The following SAMMSON variants were observed in gnomAD, a reference collection of about 807,000 sequenced individuals.
SAMMSON encodes long intergenic non-protein coding RNA 1212.
chr3:70,098,986 C>T (rs1046337509), intron 4 of SAMMSON, among the ~76,000 whole-genome samples: 2 of 152,202 alleles, frequency 1.3e-5, no homozygotes, highest in East Asian at 3.9e-4. Flanking sequence ...CTTTCTGCAA[C>T]TAGTTTTTTC....
intron 3 of SAMMSON, among the ~76,000 whole-genome samples, chr3:70,036,461 A>G (rs886216134): frequency 1.3e-5 from 2 of 152,310 alleles, no homozygotes; most frequent in East Asian, 1.9e-4. Flanking sequence ...TAGCTCAATC[A>G]TAAGTATGTC....
chr3:70,013,885 G>A (rs2066969416), intron 3 of SAMMSON: 1 of 152,060 alleles, frequency 6.6e-6, no homozygotes, highest in South Asian at 2.1e-4. Flanking sequence ...CAGAGGTGTG[G>A]CTAGATCCAA....
intron 4 of SAMMSON, among the ~76,000 whole-genome samples, chr3:70,147,173 TA>T (rs1301999405): frequency 2.0e-5 from 3 of 151,958 alleles, no homozygotes; most frequent in African/African-American, 7.2e-5. Flanking sequence ...AAAAATGAAC[TA>T]AATAAATGGA....
chr3:70,418,406 G>A lies in SAMMSON; in HGVS notation n.234-44154G>A, dbSNP rs117589745. Among the ~76,000 whole-genome samples, 434 of 152,152 alleles carry A rather than the reference G, an allele frequency of 2.9e-3. 2 individuals are homozygous for A. Among genetic ancestry groups the A allele is most frequent in the African/African-American group, 9.3e-3 (386 of 41,530 alleles). On this transcript the variant is annotated intron_variant and non_coding_transcript_variant, in intron 2 of 3. Transcript: ENST00000641053. ...TGGTCAGGTACTTATGTATTATCTC[G>A]GAATGGGGTGGATGTCAGGGCATCT...
intron 6 of SAMMSON, among the ~76,000 whole-genome samples, chr3:70,289,831 C>G (rs1405100646): frequency 6.6e-6 from 1 of 152,018 alleles, no homozygotes; most frequent in Admixed American, 6.6e-5. Context: ...TGCTGATACC[C>G]TTTCTTCCAG....
rs1702992015 is a variant in SAMMSON at position 70,374,120 on chromosome 3, G to A, written n.914-15454G>A. ...ATAGAGACAGGGTTTCTCCATGTTGGTCAGGCTGGTCTCAAACTCCCGACC... is the reference window on the plus strand; with the variant it reads ...ATAGAGACAGGGTTTCTCCATGTTGATCAGGCTGGTCTCAAACTCCCGACC... On this transcript the variant is annotated intron_variant and non_coding_transcript_variant, in intron 9 of 9. Coordinates refer to ENST00000642114, the Ensembl canonical transcript of SAMMSON. 2.0e-5 allele frequency among the ~76,000 whole-genome samples: 3 copies of A among 152,242 alleles called. No individual in the cohort carries two copies. The South Asian group carries it at 6.2e-4, about 32-fold the overall frequency.
At chr3:70,144,516 CT>C (rs1392162812) in intron 4 of SAMMSON, among the ~76,000 whole-genome samples, 1 of 152,154 alleles carries the variant, frequency 6.6e-6, no homozygotes, top group Non-Finnish European at 1.5e-5. Flanking sequence ...ATATCTCCCC[CT>C]GTGGAATCCT....
chr3:70,258,464 C>A (rs889287256), intron 6 of SAMMSON, among the ~76,000 whole-genome samples: 2 of 152,004 alleles, frequency 1.3e-5, no homozygotes, highest in Non-Finnish European at 2.9e-5. Context: ...ATTGTTACAA[C>A]CTCTGGGTTC....
intron 2 of SAMMSON, among the ~76,000 whole-genome samples, chr3:70,416,735 A>T (rs1316351604): frequency 1.3e-5 from 2 of 152,152 alleles, no homozygotes; most frequent in East Asian, 3.9e-4. Flanking sequence ...AAAGGGATCT[A>T]TATCACCAGC....
intron 4 of SAMMSON, among the ~76,000 whole-genome samples, chr3:70,115,934 T>C (rs550684935): frequency 6.6e-6 from 1 of 152,276 alleles, no homozygotes; most frequent in African/African-American, 2.4e-5. Context: ...TGGTGATATT[T>C]ATTGGATGAG....
At chr3:70,010,647 T>G (rs1306453566) in intron 1 of SAMMSON, among the ~76,000 whole-genome samples, 2 of 151,932 alleles carry the variant, frequency 1.3e-5, no homozygotes, top group Non-Finnish European at 2.9e-5. Context: ...GGCTCCAGAG[T>G]GGCGTATGTG....
At chr3:70,028,728 C>T (rs1047666742) in intron 3 of SAMMSON, among the ~76,000 whole-genome samples, 7 of 152,258 alleles carry the variant, frequency 4.6e-5, no homozygotes, top group Non-Finnish European at 1.0e-4. Context: ...GGGATGAAGC[C>T]TCTCCAAATA....
At chr3:70,140,750 A>T (rs900229916) in intron 4 of SAMMSON, among the ~76,000 whole-genome samples, 19 of 152,204 alleles carry the variant, frequency 1.2e-4, no homozygotes, top group Non-Finnish European at 4.4e-5. Flanking sequence ...ACACTAGAAC[A>T]TGAACACAAT....
intron 4 of SAMMSON, among the ~76,000 whole-genome samples, chr3:70,093,827 T>C (rs1005065101): frequency 6.6e-5 from 10 of 152,254 alleles, no homozygotes; most frequent in Middle Eastern, 6.8e-3. Context: ...AAAACCATAT[T>C]GGCCCATTCA....
intron 4 of SAMMSON, among the ~76,000 whole-genome samples, chr3:70,178,482 G>A (rs1701025348): frequency 6.6e-6 from 1 of 152,120 alleles, no homozygotes; most frequent in African/African-American, 2.4e-5. Context: ...TCCCACTAAT[G>A]CACCTCTGTC....
chr3:70,129,092 C>G (rs1473866438), intron 4 of SAMMSON, among the ~76,000 whole-genome samples: 1 of 152,134 alleles, frequency 6.6e-6, no homozygotes, highest in East Asian at 1.9e-4. Flanking sequence ...TTTCCTTTCA[C>G]ATTTATTGGA....
intron 3 of SAMMSON, among the ~76,000 whole-genome samples, chr3:70,019,162 G>A (rs1037340019): frequency 6.6e-6 from 1 of 152,240 alleles, no homozygotes; most frequent in Non-Finnish European, 1.5e-5. Flanking sequence ...TCGTTGATGT[G>A]TCTAATGTTG....
chr3:70,022,386 C>T (rs941334823), intron 3 of SAMMSON, among the ~76,000 whole-genome samples: 1 of 128,772 alleles, frequency 7.8e-6, no homozygotes, highest in African/African-American at 3.0e-5. Flanking sequence ...AACAAACTTA[C>T]ACATTGTGCA....
At chr3:70,117,696 T>C (rs539413994) in intron 4 of SAMMSON, among the ~76,000 whole-genome samples, 3 of 152,270 alleles carry the variant, frequency 2.0e-5, no homozygotes, top group South Asian at 2.1e-4. Flanking sequence ...ACCCACATCA[T>C]TGGCCACCAA....
Sources: gnomAD v4.1 joint callset for allele counts (sites outside exome capture counted in the v4.1 genomes callset) on GRCh38, gnomAD v4.1.1 for gene constraint, MANE v1.5 for transcripts, NCBI Gene and HGNC (gene_info 2026-07-23, HGNC 2026-07-21) for gene names.